Variants in UBE3D observed in about 807,000 individuals in gnomAD.
UBE3D encodes the protein E3 ubiquitin-protein ligase E3D.
In UBE3D, 48 loss-of-function variants were observed where a neutral mutation model predicts 49.6. That is an observed-to-expected ratio of 0.97 (90% CI 0.77 to 1.23). UBE3D has a LOEUF of 1.23. Ranked by LOEUF, UBE3D falls within the 50% of genes most tolerant of loss-of-function variation. The pLI is 0.00. For missense variants in UBE3D, 452 were observed against 468.4 expected, an observed-to-expected ratio of 0.96 and a Z score of 0.32; for synonymous variants, 189 against 174.2, an observed-to-expected ratio of 1.08 and a Z score of -0.67.
intron 9 of UBE3D, among the ~76,000 whole-genome samples, chr6:82,914,174 A>G (rs1257869920): frequency 6.6e-6 from 1 of 152,192 alleles, no homozygotes. Flanking sequence ...GGTTAGACTT[A>G]TATTTTGTTT....
chr6:82,989,037 T>G (rs1439177623), intron 8 of UBE3D, among the ~76,000 whole-genome samples: 1 of 152,124 alleles, frequency 6.6e-6, no homozygotes, highest in Non-Finnish European at 1.5e-5. Flanking sequence ...CTCAAGTATC[T>G]TATTTCAAAA....
chr6:83,046,986 CAT>C (rs954424132), intron 3 of UBE3D, among the ~76,000 whole-genome samples: 1 of 152,152 alleles, frequency 6.6e-6, no homozygotes, highest in Non-Finnish European at 1.5e-5. Flanking sequence ...AGGTAGATGC[CAT>C]ATATGTTTAC....
At chr6:82,973,344 A>G (rs1470495959) in intron 8 of UBE3D, among the ~76,000 whole-genome samples, 1 of 152,198 alleles carries the variant, frequency 6.6e-6, no homozygotes, top group Non-Finnish European at 1.5e-5. Context: ...ACTTGCAGAG[A>G]GGTCTGATTA....
chr6:82,882,087 C>T, the UBE3D span, among the ~76,000 whole-genome samples: 1 of 152,154 alleles, frequency 6.6e-6, no homozygotes, highest in African/African-American at 2.4e-5. Flanking sequence ...ACTCTGTACA[C>T]AAGATCCTGA....
At chr6:82,910,156 C>A (rs1206948433) in intron 9 of UBE3D, among the ~76,000 whole-genome samples, 1 of 152,140 alleles carries the variant, frequency 6.6e-6, no homozygotes, top group Non-Finnish European at 1.5e-5. Context: ...AGTAGGGAAC[C>A]AAATGCCTCT....
At chr6:83,033,235 C>G (rs1782006590) in intron 5 of UBE3D, among the ~76,000 whole-genome samples, 1 of 152,148 alleles carries the variant, frequency 6.6e-6, no homozygotes, top group Admixed American at 6.5e-5. Flanking sequence ...ATCATGAGGA[C>G]AGCACCAAGA....
intron 5 of UBE3D, among the ~76,000 whole-genome samples, chr6:83,031,356 CA>C (rs1298359817): frequency 1.3e-5 from 2 of 152,090 alleles, no homozygotes; most frequent in Non-Finnish European, 2.9e-5. Flanking sequence ...AGTGACAGAG[CA>C]TAAAAGTTTG....
chr6:83,036,552 T>C (rs1329488861), intron 5 of UBE3D: 1 of 152,202 alleles, frequency 6.6e-6, no homozygotes, highest in Non-Finnish European at 1.5e-5. Context: ...TTTAATTTGC[T>C]TGCTTAATCA....
intron 6 of UBE3D, among the ~76,000 whole-genome samples, chr6:83,023,245 T>G (rs1781227548): frequency 6.6e-6 from 1 of 152,184 alleles, no homozygotes; most frequent in East Asian, 1.9e-4. Flanking sequence ...CAGAAATTAT[T>G]CAAAAAACTT....
At chr6:82,971,536 T>A (rs1777351309) in intron 8 of UBE3D, among the ~76,000 whole-genome samples, 2 of 152,012 alleles carry the variant, frequency 1.3e-5, no homozygotes, top group African/African-American at 4.8e-5. Flanking sequence ...TTTGCCAGTG[T>A]GAATGCAAAG....
At chr6:83,061,775 C>T (rs984602409) in intron 1 of UBE3D, among the ~76,000 whole-genome samples, 2 of 152,128 alleles carry the variant, frequency 1.3e-5, no homozygotes, top group Admixed American at 1.3e-4. Context: ...CAAATCAAGA[C>T]CTTAGTTTGT....
chr6:82,967,939 T>C (rs1209905735), intron 8 of UBE3D, among the ~76,000 whole-genome samples: 2 of 152,180 alleles, frequency 1.3e-5, no homozygotes, highest in Non-Finnish European at 2.9e-5. Context: ...ACTCCATACC[T>C]AGCTTTCATT....
chr6:82,927,100 A>C (rs1386891897), intron 9 of UBE3D, among the ~76,000 whole-genome samples: 1 of 152,106 alleles, frequency 6.6e-6, no homozygotes, highest in East Asian at 1.9e-4. Context: ...CATTCATTAA[A>C]AAGACTAACT....
intron 8 of UBE3D, 90 bp from the exon 9 acceptor site, chr6:82,957,540 A>G: frequency 7.0e-7 from 1 of 1,418,822 alleles, no homozygotes; most frequent in Non-Finnish European, 9.5e-7. Flanking sequence ...CAATTGTGAG[A>G]GAAAAAGGCA....
At chr6:83,061,478 T>C (rs909108106) in intron 1 of UBE3D, among the ~76,000 whole-genome samples, 1 of 152,250 alleles carries the variant, frequency 6.6e-6, no homozygotes, top group African/African-American at 2.4e-5. Context: ...GTTCATACAA[T>C]AATTTCATAC....
chr6:82,928,769 T>C (rs1304565261), intron 9 of UBE3D, among the ~76,000 whole-genome samples: 2 of 152,276 alleles, frequency 1.3e-5, no homozygotes, highest in Admixed American at 6.5e-5. Flanking sequence ...AAGATATCCA[T>C]GGGAATCCAA....
intron 8 of UBE3D, among the ~76,000 whole-genome samples, chr6:83,014,792 C>A (rs180814824): frequency 5.3e-4 from 81 of 152,222 alleles, no homozygotes; most frequent in Non-Finnish European, 8.2e-4. Flanking sequence ...ACCCGGACTC[C>A]CCTTCATTCA....
At chr6:82,999,299 C>T (rs762423671) in intron 8 of UBE3D, among the ~76,000 whole-genome samples, 1 of 152,196 alleles carries the variant, frequency 6.6e-6, no homozygotes, top group Admixed American at 6.5e-5. Context: ...AGATACCAGA[C>T]CTTTCCATCT....
At chr6:82,926,117 C>T (rs1247990503) in intron 9 of UBE3D, among the ~76,000 whole-genome samples, 1 of 152,100 alleles carries the variant, frequency 6.6e-6, no homozygotes, top group Non-Finnish European at 1.5e-5. Flanking sequence ...TACTCAAGCC[C>T]CTTTCAATTC....
Sources: allele counts gnomAD v4.1 joint callset (sites outside exome capture counted in the v4.1 genomes callset), GRCh38; gene constraint gnomAD v4.1.1; transcripts MANE v1.5; gene names NCBI Gene and HGNC (gene_info 2026-07-23, HGNC 2026-07-21).